The following MAD1L1 variants were observed in gnomAD, a reference collection of about 807,000 sequenced individuals.
The protein encoded by MAD1L1 is mitotic spindle assembly checkpoint protein MAD1.
Under a neutral mutation model 96.9 loss-of-function variants are expected in MAD1L1, and 95 were observed. That is an observed-to-expected ratio of 0.98 (90% CI 0.83 to 1.16). The LOEUF is 1.16. Among genes scored for constraint, MAD1L1 ranks in the 50% most tolerant of loss-of-function variants. The pLI is 0.00. For missense variants in MAD1L1, 1,007 were observed against 954.4 expected, an observed-to-expected ratio of 1.06 and a Z score of -0.73; for synonymous variants, 473 against 396.6, an observed-to-expected ratio of 1.19 and a Z score of -2.29.
chr7:2,008,600 G>A (rs1782142943), intron 13 of MAD1L1, among the ~76,000 whole-genome samples: 3 of 152,210 alleles, frequency 2.0e-5, no homozygotes, highest in South Asian at 2.1e-4. Context: ...CTGGGCTGAC[G>A]GCTGGGAACA....
chr7:2,083,712 G>A (rs926711141), intron 11 of MAD1L1, among the ~76,000 whole-genome samples: 1 of 152,270 alleles, frequency 6.6e-6, no homozygotes, highest in African/African-American at 2.4e-5. Context: ...CCACTGACCT[G>A]CAGCAGGCTG....
Position 2,208,082 on chromosome 7 carries a change from C to T in MAD1L1, c.986+5130G>A, listed in dbSNP as rs577055394. Among the ~76,000 whole-genome samples the T allele has an allele frequency of 5.9e-5, 9 of 152,314 alleles. No individual in the cohort carries two copies. In the South Asian group the frequency reaches 1.9e-3, roughly 32 times the overall value. Reference sequence around the variant, plus strand: ...CTCTTACAATGTCTCCATTTTTCTACATCAGGTGATCTTTAATGTCTCAGT... The same window carrying T: ...CTCTTACAATGTCTCCATTTTTCTATATCAGGTGATCTTTAATGTCTCAGT... On this transcript the variant is annotated intron_variant, in intron 10 of 18. Coordinates refer to ENST00000265854, the MANE Select transcript of MAD1L1 (RefSeq NM_001013836.2).
chr7:2,009,541 G>C (rs1189271360), intron 13 of MAD1L1, among the ~76,000 whole-genome samples: 5 of 152,220 alleles, frequency 3.3e-5, no homozygotes. Flanking sequence ...GTCCCCACAG[G>C]GCTAACCAGG....
At chr7:2,131,552 G>A (rs1289494919) in intron 11 of MAD1L1, among the ~76,000 whole-genome samples, 1 of 152,194 alleles carries the variant, frequency 6.6e-6, no homozygotes, top group African/African-American at 2.4e-5. Flanking sequence ...TCAGTCCCAG[G>A]GGACCTCTGC....
chr7:2,040,809 C>A (rs1479057979), intron 12 of MAD1L1, among the ~76,000 whole-genome samples: 1 of 152,224 alleles, frequency 6.6e-6, no homozygotes, highest in African/African-American at 2.4e-5. Context: ...CAGGACTCTT[C>A]ATTATACTTA....
chr7:1,868,708 G>A (rs903405734), intron 18 of MAD1L1, among the ~76,000 whole-genome samples: 1 of 152,202 alleles, frequency 6.6e-6, no homozygotes, highest in Non-Finnish European at 1.5e-5. Context: ...TTAACCAGAG[G>A]CGAGAGTTCT....
intron 18 of MAD1L1, among the ~76,000 whole-genome samples, chr7:1,894,150 A>G (rs555762654): frequency 6.6e-6 from 1 of 152,290 alleles, no homozygotes; most frequent in African/African-American, 2.4e-5. Context: ...TGACAGGTGG[A>G]TGGGGCAGGA....
intron 11 of MAD1L1, among the ~76,000 whole-genome samples, chr7:2,147,533 C>T (rs891369303): frequency 2.6e-5 from 4 of 152,210 alleles, no homozygotes; most frequent in Admixed American, 6.5e-5. Flanking sequence ...CCCAGACCAG[C>T]GCAGTACTGA....
chr7:1,904,114 T>A (rs1787458935), intron 17 of MAD1L1, among the ~76,000 whole-genome samples: 1 of 135,028 alleles, frequency 7.4e-6, no homozygotes, highest in African/African-American at 2.7e-5. Flanking sequence ...AACTCAAGAT[T>A]GATCAAGCAC....
chr7:2,207,003 A>G (rs1792628502), intron 10 of MAD1L1, among the ~76,000 whole-genome samples: 1 of 151,486 alleles, frequency 6.6e-6, no homozygotes, highest in African/African-American at 2.4e-5. Flanking sequence ...GCTTGAACCC[A>G]GGAGGCAAAG....
intron 10 of MAD1L1, among the ~76,000 whole-genome samples, chr7:2,181,771 C>G (rs1251179488): frequency 6.6e-6 from 1 of 152,104 alleles, no homozygotes; most frequent in Non-Finnish European, 1.5e-5. Context: ...CGGAACCAGC[C>G]TAAATGCCCA....
intron 11 of MAD1L1, among the ~76,000 whole-genome samples, chr7:2,096,319 G>T (rs937498210): frequency 3.9e-5 from 6 of 152,216 alleles, no homozygotes; most frequent in African/African-American, 1.4e-4. Context: ...CCGGCGCAAA[G>T]AGCTGTGGTG....
intron 18 of MAD1L1, among the ~76,000 whole-genome samples, chr7:1,852,413 G>T (rs1328144470): frequency 6.6e-6 from 1 of 152,112 alleles, no homozygotes; most frequent in Non-Finnish European, 1.5e-5. Flanking sequence ...CCCTCCAAGG[G>T]TCCCCCTCAA....
At chr7:2,182,105 G>A (rs186549803) in intron 10 of MAD1L1, among the ~76,000 whole-genome samples, 1 of 151,750 alleles carries the variant, frequency 6.6e-6, no homozygotes, top group African/African-American at 2.4e-5. Context: ...CAAACACCAC[G>A]TTCCCCAAAA....
chr7:1,923,646 C>T (rs1214007533), intron 17 of MAD1L1, among the ~76,000 whole-genome samples: 3 of 152,380 alleles, frequency 2.0e-5, no homozygotes, highest in East Asian at 1.9e-4. Context: ...TGGCGTTGGC[C>T]GTGAAGGCGG....
intron 17 of MAD1L1, among the ~76,000 whole-genome samples, chr7:1,929,069 C>T (rs1304987342): frequency 6.6e-6 from 1 of 152,210 alleles, no homozygotes; most frequent in Non-Finnish European, 1.5e-5. Flanking sequence ...ACCAGGCCTC[C>T]CCTCGAGGGC....
intron 11 of MAD1L1, among the ~76,000 whole-genome samples, chr7:2,102,778 GCAC>G (rs771746558): frequency 2.7e-5 from 4 of 150,686 alleles, no homozygotes; most frequent in Non-Finnish European, 5.9e-5. Context: ...CGCCACCCTC[GCAC>G]CATCATGGCC....
intron 11 of MAD1L1, among the ~76,000 whole-genome samples, chr7:2,115,853 G>A (rs1446277704): frequency 2.0e-5 from 3 of 152,240 alleles, no homozygotes; most frequent in Non-Finnish European, 2.9e-5. Context: ...CGGGCCCTGC[G>A]GGAAGAAGCT....
intron 14 of MAD1L1, among the ~76,000 whole-genome samples, chr7:1,984,242 T>TC (rs1319805600): frequency 1.3e-5 from 2 of 152,344 alleles, no homozygotes; most frequent in African/African-American, 2.4e-5. Context: ...AGCTTTTTTT[T>TC]CCCTGATTTT....
Sources: allele counts gnomAD v4.1 joint callset (sites outside exome capture counted in the v4.1 genomes callset), GRCh38; gene constraint gnomAD v4.1.1; transcripts MANE v1.5; gene names NCBI Gene and HGNC (gene_info 2026-07-23, HGNC 2026-07-21).